MLC1: variants seen among roughly 807,000 people sequenced by gnomAD.
MLC1 encodes the protein modulator of VRAC current 1.
Under a neutral mutation model 44.7 loss-of-function variants are expected in MLC1, and 32 were observed. The observed-to-expected ratio is 0.72, with a 90% CI of 0.54 to 0.96. MLC1 has a LOEUF of 0.96. Ranked by LOEUF, MLC1 falls within the 40% of genes least tolerant of loss-of-function variation. MLC1 has a pLI of 0.00. For missense variants in MLC1, 459 were observed against 492.2 expected, an observed-to-expected ratio of 0.93 and a Z score of 0.64; for synonymous variants, 190 against 213.0, an observed-to-expected ratio of 0.89 and a Z score of 0.94.
chr22:50,070,391 A>T, intron 9 of MLC1, 136 bp downstream of exon 9: 1 of 883,884 alleles, frequency 1.1e-6, no homozygotes, highest in Non-Finnish European at 1.8e-6. Flanking sequence ...CACCTTCCTC[A>T]TTGTGCAGGC....
Position 50,083,010 on chromosome 22 carries a change from A to G in MLC1, c.267+74T>C. The G allele has an allele frequency of 7.0e-7, 1 of 1,435,274 alleles. No homozygotes were observed. Among genetic ancestry groups the G allele is most frequent in the Non-Finnish European group, 9.8e-7 (1 of 1,019,806 alleles). The allele number at this position is 1,435,274 out of a possible 1,614,324, so 88.9% of individuals were successfully genotyped here. A position where few individuals can be genotyped will look rare whatever the true frequency, so the allele number is the denominator to read the frequency against. ...AGGTACAGGTGACAGAAACCTGCAC[A>G]TCTCAGAACAAAGAAACCAGAGCAC... On this transcript the variant is annotated intron_variant, in intron 3 of 11. Transcript: ENST00000311597. The surrounding 1 kb of genome is among the most constrained non-coding windows in gnomAD (Gnocchi z 4.6).
At chr22:50,082,756 C>T (rs1235706796) in intron 3 of MLC1, among the ~76,000 whole-genome samples, 1 of 152,182 alleles carries the variant, frequency 6.6e-6, no homozygotes, top group Non-Finnish European at 1.5e-5. Context: ...CCTCCGCCTC[C>T]CAGGTTCAAG....
chr22:50,073,490 G>C (rs2061907510), intron 8 of MLC1, among the ~76,000 whole-genome samples: 1 of 152,192 alleles, frequency 6.6e-6, no homozygotes, highest in South Asian at 2.1e-4. Flanking sequence ...CAGCACTTTT[G>C]GGGGCCGAGG....
At chr22:50,063,671 CAG>C (rs2061622027) in intron 11 of MLC1, among the ~76,000 whole-genome samples, 66 of 149,818 alleles carry the variant, frequency 4.4e-4, no homozygotes, top group Middle Eastern at 7.2e-3. Flanking sequence ...CTCACCTCCC[CAG>C]CACCCCTGAA....
chr22:50,074,366 A>G, intron 7 of MLC1, 34 bp from the exon 8 acceptor site: 1 of 1,541,700 alleles, frequency 6.5e-7, no homozygotes, highest in South Asian at 1.1e-5. Context: ...GCTCATAAGG[A>G]AGTGGAGACA....
At chr22:50,077,589 G>T in intron 5 of MLC1, 87 bp from the exon 6 acceptor site, 1 of 1,085,826 alleles carries the variant, frequency 9.2e-7, no homozygotes, top group Non-Finnish European at 1.4e-6. Context: ...CTCACGGGCA[G>T]GCTGCGCAGG....
rs1257482209 is a variant in MLC1, at chr22:50,083,776, AG to A, written c.178-604del. 4.0e-4 allele frequency among the ~76,000 whole-genome samples: 61 copies of A among 152,214 alleles called. No homozygotes were observed. Among genetic ancestry groups the A allele is most frequent in the Non-Finnish European group, 2.4e-4 (16 of 67,994 alleles). ...CCCCGGGGTGAGTCTGAGGGGAGTC[AG>A]TATCAAAGGTCACTGGGACCCAGGG... On this transcript the variant is annotated intron_variant, in intron 2 of 11. Coordinates refer to ENST00000311597, the MANE Select transcript of MLC1 (RefSeq NM_015166.4). The surrounding 1 kb of genome is among the most constrained non-coding windows in gnomAD (Gnocchi z 4.6).
chr22:50,064,163 TAGCAGC>T lies in MLC1; in HGVS notation c.924_929del (p.Leu309_Leu310del), dbSNP rs761096481. On this transcript the variant is annotated inframe_deletion, in exon 11 of 12. Transcript: ENST00000311597. ...TGAGGCCGGCCTGCAGCAGGAGCAC[TAGCAGC>T]AGCAGCAGCAGCAGCACATCGTAGG... The T allele has an allele frequency of 2.5e-6, 4 of 1,604,518 alleles. No individual in the cohort carries two copies. The highest frequency in any genetic ancestry group is 2.5e-6 in the Non-Finnish European group (3 of 1,179,002).
At chr22:50,064,325 C>A in intron 10 of MLC1, 127 bp from the exon 11 acceptor site, 1 of 1,090,008 alleles carries the variant, frequency 9.2e-7, no homozygotes, top group South Asian at 1.4e-5. Context: ...CCCCAGTAAC[C>A]CAAACGCATT....
At chr22:50,068,219 C>T (rs1349439234) in intron 10 of MLC1, among the ~76,000 whole-genome samples, 1 of 152,228 alleles carries the variant, frequency 6.6e-6, no homozygotes, top group Non-Finnish European at 1.5e-5. Context: ...CAGGTGGTGG[C>T]CCCAGATACA....
chr22:50,074,532 T>A, intron 7 of MLC1, 200 bp from the exon 8 acceptor site: 1 of 613,906 alleles, frequency 1.6e-6, no homozygotes, highest in Non-Finnish European at 2.9e-6. Context: ...GCTTTTCACG[T>A]CCCTCCTGGA....
At chr22:50,074,578 C>T in intron 7 of MLC1, 1 of 518,674 alleles carries the variant, frequency 1.9e-6, no homozygotes, top group Non-Finnish European at 3.5e-6. Flanking sequence ...CCCACTGCTG[C>T]TTTTGTCCAC....
At chr22:50,076,009 G>A (rs1191104225) in intron 7 of MLC1, among the ~76,000 whole-genome samples, 1 of 152,210 alleles carries the variant, frequency 6.6e-6, no homozygotes, top group African/African-American at 2.4e-5. Flanking sequence ...CAAAATTAGA[G>A]GGAAAAGGAA....
At chr22:50,062,696 G>C (rs541755282) in intron 11 of MLC1, among the ~76,000 whole-genome samples, 5 of 152,372 alleles carry the variant, frequency 3.3e-5, no homozygotes, top group South Asian at 2.1e-4. Flanking sequence ...AGCAGCGGCC[G>C]GTCCGCCCAG....
At chr22:50,078,125 T>C (rs1313878033) in intron 5 of MLC1, among the ~76,000 whole-genome samples, 1 of 151,632 alleles carries the variant, frequency 6.6e-6, no homozygotes. Flanking sequence ...CCGAGTAAGC[T>C]GGGGTTACAG....
chr22:50,062,962 C>T (rs541258151), intron 11 of MLC1, among the ~76,000 whole-genome samples: 2 of 152,320 alleles, frequency 1.3e-5, no homozygotes, highest in African/African-American at 4.8e-5. Context: ...GTTGTTGACA[C>T]CCCAGCTTTA....
chr22:50,074,129 C>T (rs2061922691), intron 8 of MLC1, 87 bp downstream of exon 8: 9 of 1,108,892 alleles, frequency 8.1e-6, no homozygotes, highest in Admixed American at 2.0e-5. Context: ...TGTCTGAATG[C>T]ACCAAGACTG....
At chr22:50,081,256 T>C (rs867019274) in intron 3 of MLC1, among the ~76,000 whole-genome samples, 1 of 151,786 alleles carries the variant, frequency 6.6e-6, no homozygotes, top group South Asian at 2.1e-4. Flanking sequence ...GGCAGGAGAA[T>C]TGCTTGAACC....
intron 10 of MLC1, among the ~76,000 whole-genome samples, chr22:50,067,191 G>A (rs2061719726): frequency 6.6e-6 from 1 of 152,056 alleles, no homozygotes; most frequent in Non-Finnish European, 1.5e-5. Context: ...GAGAAGTGAA[G>A]AAAAAACCCT....
Sources: gnomAD v4.1 joint callset for allele counts (sites outside exome capture counted in the v4.1 genomes callset) on GRCh38, gnomAD v4.1.1 for gene constraint, Gnocchi (gnomAD v3.1) non-coding constraint, MANE v1.5 for transcripts, NCBI Gene and HGNC (gene_info 2026-07-23, HGNC 2026-07-21) for gene names.